DMXL2: variants seen among roughly 807,000 people sequenced by gnomAD.
The protein encoded by DMXL2 is Dmx like 2.
A neutral mutation model predicts 331.1 loss-of-function variants in DMXL2; 103 were observed. That is an observed-to-expected ratio of 0.31 (90% confidence interval 0.27 to 0.37). The LOEUF (loss-of-function observed/expected upper bound fraction) is 0.37, where lower values mean the gene tolerates loss of function less well. Ranked by LOEUF, DMXL2 falls within the 10% of genes least tolerant of loss-of-function variation. DMXL2 has a pLI of 1.00. For synonymous variants in DMXL2, 1,281 were observed against 1,252.1 expected (o/e 1.02, Z -0.49); for missense variants, 3,171 against 3,642.9 (o/e 0.87, Z 3.33).
intron 26 of DMXL2, among the ~76,000 whole-genome samples, chr15:51,477,326 G>A (rs1312438800): frequency 6.6e-6 from 1 of 151,886 alleles, no homozygotes; most frequent in Non-Finnish European, 1.5e-5. Context: ...CCGACCAACT[G>A]GAAAATATAT....
Position 51,536,584 on chromosome 15 carries a change from A to T in DMXL2, c.1896T>A (p.Ser632=). The T allele has an allele frequency of 6.2e-7, 1 of 1,614,080 alleles. No individual in the cohort carries two copies. The highest frequency in any genetic ancestry group is 8.5e-7 in the Non-Finnish European group (1 of 1,179,988). Residue 632 remains serine (S), a synonymous_variant, in exon 12 of 44, where the codon TCT becomes TCA. Transcript: ENST00000560891. ...ATACAGTTAGAACAGTGGTAAAGGC[A>T]GACTTATCAGCAAAAGTGACTGCCC... ...NQWAVTFADK[S]AFTTVLTVSH...
chr15:51,550,611 AT>A (rs146909844), intron 6 of DMXL2, among the ~76,000 whole-genome samples: 1,766 of 152,224 alleles, frequency 0.012, 35 homozygotes, highest in African/African-American at 0.041. Context: ...GATAAATTCC[AT>A]TTTTTGAAGA....
At chr15:51,482,046 T>C (rs1324413091) in intron 23 of DMXL2, among the ~76,000 whole-genome samples, 1 of 152,200 alleles carries the variant, frequency 6.6e-6, no homozygotes, top group African/African-American at 2.4e-5. Flanking sequence ...TAGATTTCTC[T>C]GAAAATACAC....
At chr15:51,479,897 AT>A in intron 25 of DMXL2, 50 bp downstream of exon 25, 1 of 1,325,238 alleles carries the variant, frequency 7.5e-7, no homozygotes, top group South Asian at 2.1e-5. Flanking sequence ...GGTATAACAT[AT>A]TTACCTTCTC....
At chr15:51,465,741 C>T in intron 30 of DMXL2, 90 bp from the exon 31 acceptor site, 1 of 905,184 alleles carries the variant, frequency 1.1e-6, no homozygotes, top group Non-Finnish European at 1.7e-6. Context: ...GTTTAGCCCA[C>T]TCTCCAACCC....
At chr15:51,562,775 T>C (rs1477170500) in intron 6 of DMXL2, among the ~76,000 whole-genome samples, 1 of 152,210 alleles carries the variant, frequency 6.6e-6, no homozygotes, top group Non-Finnish European at 1.5e-5. Flanking sequence ...ATGAGATACC[T>C]ACATCAGGAA....
rs1259477859 is a variant in DMXL2 at position 51,499,810 on chromosome 15, C to T, written c.3414G>A (p.Arg1138=). Residue 1138 remains arginine, a synonymous_variant, in exon 18 of 44, where the codon AGG becomes AGA. Transcript: ENST00000560891. ...LVKVGSVLDS[R]VSVDSNLFVY... ...CAAACAGATTACTGTCGACGCTGAC[C>T]CTTGAATCAAGTACACTCCCAACCT... 1 of 1,614,128 alleles carries T rather than the reference C, an allele frequency of 6.2e-7. No homozygotes were observed. The highest frequency in any genetic ancestry group is 8.5e-7 in the Non-Finnish European group (1 of 1,180,010).
chr15:51,525,264 G>C (rs1240046257), intron 13 of DMXL2, among the ~76,000 whole-genome samples: 16 of 152,032 alleles, frequency 1.1e-4, no homozygotes, highest in Non-Finnish European at 2.4e-4. Context: ...TGTGCCAGGG[G>C]TCTTGGATGA....
intron 6 of DMXL2, among the ~76,000 whole-genome samples, chr15:51,556,342 CAAAAAAAAAAAAGAAA>C (rs1732206704): frequency 2.1e-5 from 1 of 46,568 alleles, no homozygotes; most frequent in South Asian, 7.9e-4. Context: ...GACACTGTCT[CAAAAAAAAAAAAGAAA>C]AAAAAAAAAA....
At chr15:51,485,068 GA>G (rs1216851778) in intron 23 of DMXL2, among the ~76,000 whole-genome samples, 2 of 139,226 alleles carry the variant, frequency 1.4e-5, no homozygotes, top group East Asian at 2.1e-4. Flanking sequence ...AGGAGGAACA[GA>G]AAAAAAAGAA....
intron 19 of DMXL2, among the ~76,000 whole-genome samples, chr15:51,492,508 C>A (rs981563626): frequency 6.6e-6 from 1 of 151,274 alleles, no homozygotes; most frequent in African/African-American, 2.4e-5. Context: ...TTTTTTTTTA[C>A]CTGGGAGAAG....
chr15:51,457,847 T>C (rs1207148559), intron 36 of DMXL2: 2 of 177,980 alleles, frequency 1.1e-5, no homozygotes, highest in Non-Finnish European at 2.4e-5. Context: ...AAAGTAATTG[T>C]TGGGATGGAT....
chr15:51,454,651 C>T (rs904628125), intron 40 of DMXL2, among the ~76,000 whole-genome samples: 2 of 152,114 alleles, frequency 1.3e-5, no homozygotes. Context: ...CACGTGTCAC[C>T]ATGCCTGGCT....
chr15:51,533,243 G>A (rs903829657), intron 13 of DMXL2, among the ~76,000 whole-genome samples: 1 of 152,072 alleles, frequency 6.6e-6, no homozygotes, highest in Non-Finnish European at 1.5e-5. Flanking sequence ...GGCTGGTCTT[G>A]AACTCATGGG....
intron 13 of DMXL2, among the ~76,000 whole-genome samples, chr15:51,523,502 A>G (rs1285051104): frequency 1.3e-5 from 2 of 152,224 alleles, no homozygotes; most frequent in East Asian, 3.8e-4. Flanking sequence ...ATGTCCACCC[A>G]GCATCTCGGA....
chr15:51,525,327 T>C (rs1310728469), intron 13 of DMXL2, among the ~76,000 whole-genome samples: 1 of 151,902 alleles, frequency 6.6e-6, no homozygotes, highest in Non-Finnish European at 1.5e-5. Flanking sequence ...CCAGCTATGG[T>C]AGCTACAGGG....
chr15:51,567,460 T>G (rs932860196), intron 3 of DMXL2: 2 of 152,144 alleles, frequency 1.3e-5, no homozygotes, highest in African/African-American at 4.8e-5. Flanking sequence ...GTAAAAAAAT[T>G]TTTAAATAGC....
intron 1 of DMXL2, among the ~76,000 whole-genome samples, chr15:51,582,064 C>G (rs565945830): frequency 6.6e-6 from 1 of 152,206 alleles, no homozygotes; most frequent in African/African-American, 2.4e-5. Flanking sequence ...GAAGAAGGTA[C>G]ATTTTATTAA....
chr15:51,516,070 G>A (rs1323769466), intron 14 of DMXL2, among the ~76,000 whole-genome samples: 2 of 152,136 alleles, frequency 1.3e-5, no homozygotes, highest in African/African-American at 2.4e-5. Flanking sequence ...AATAGAAAGT[G>A]CAAGACACTA....
Sources: allele counts gnomAD v4.1 joint callset (sites outside exome capture counted in the v4.1 genomes callset), GRCh38; gene constraint gnomAD v4.1.1; transcripts MANE v1.5; gene names NCBI Gene and HGNC (gene_info 2026-07-23, HGNC 2026-07-21).